Variants in IMMP2L observed in about 807,000 individuals in gnomAD.
The protein encoded by IMMP2L is inner mitochondrial membrane peptidase subunit 2.
A neutral mutation model predicts 19.3 loss-of-function variants in IMMP2L; 18 were observed. The observed-to-expected ratio is 0.93, with a 90% CI of 0.64 to 1.38. IMMP2L has a LOEUF of 1.38. Among genes scored for constraint, IMMP2L ranks in the 40% most tolerant of loss-of-function variants. The probability of loss-of-function intolerance (pLI) is 0.00; values close to 1 mark genes in which losing one functional copy is unlikely to be tolerated. For synonymous variants in IMMP2L, 76 were observed against 73.0 expected (o/e 1.04, Z -0.21); for missense variants, 233 against 218.2 (o/e 1.07, Z -0.43).
chr7:110,716,684 G>C (rs1429824529), intron 5 of IMMP2L, among the ~76,000 whole-genome samples: 2 of 152,140 alleles, frequency 1.3e-5, no homozygotes, highest in Non-Finnish European at 2.9e-5. Context: ...AGCCTGATGA[G>C]GTTCTCTTTG....
intron 5 of IMMP2L, among the ~76,000 whole-genome samples, chr7:110,741,838 C>A (rs2130870448): frequency 6.6e-6 from 1 of 152,106 alleles, no homozygotes; most frequent in Non-Finnish European, 1.5e-5. Flanking sequence ...ATTGTCTTTC[C>A]AATCTCAGGG....
chr7:111,202,373 T>G (rs1319161358), intron 3 of IMMP2L, among the ~76,000 whole-genome samples: 1 of 152,184 alleles, frequency 6.6e-6, no homozygotes, highest in African/African-American at 2.4e-5. Context: ...CAAAAATAAC[T>G]GTACTCACGC....
At chr7:111,272,485 A>G (rs1233154383) in intron 3 of IMMP2L, among the ~76,000 whole-genome samples, 2 of 152,180 alleles carry the variant, frequency 1.3e-5, no homozygotes, top group Non-Finnish European at 2.9e-5. Context: ...TACTACAACT[A>G]TTTACCTCAC....
intron 3 of IMMP2L, among the ~76,000 whole-genome samples, chr7:111,023,172 G>C (rs1032993898): frequency 6.6e-6 from 1 of 152,186 alleles, no homozygotes; most frequent in African/African-American, 2.4e-5. Context: ...ACAGTGTCCT[G>C]AAGGCAAGTT....
chr7:110,762,855 C>T (rs1399248703), intron 5 of IMMP2L, among the ~76,000 whole-genome samples: 1 of 152,130 alleles, frequency 6.6e-6, no homozygotes, highest in Non-Finnish European at 1.5e-5. Context: ...GCAAGGGCAA[C>T]CATAAACATA....
intron 3 of IMMP2L, among the ~76,000 whole-genome samples, chr7:111,474,338 C>CT (rs1283512437): frequency 1.3e-5 from 2 of 151,984 alleles, no homozygotes; most frequent in Non-Finnish European, 1.5e-5. Context: ...GTTGAAATTA[C>CT]TTTTTTTAAA....
intron 3 of IMMP2L, among the ~76,000 whole-genome samples, chr7:111,084,804 G>A (rs1269861516): frequency 1.3e-5 from 2 of 152,242 alleles, no homozygotes; most frequent in East Asian, 1.9e-4. Context: ...TGACAAAGTA[G>A]GTAGAAAGTG....
At chr7:111,301,906 G>A (rs1472468015) in intron 3 of IMMP2L, among the ~76,000 whole-genome samples, 1 of 111,722 alleles carries the variant, frequency 9.0e-6, no homozygotes, top group South Asian at 3.1e-4. Context: ...ATTACGCCAT[G>A]TCAGTTTCAT....
chr7:110,888,902 G>T (rs1427336053), intron 4 of IMMP2L, among the ~76,000 whole-genome samples: 1 of 152,108 alleles, frequency 6.6e-6, no homozygotes, highest in East Asian at 1.9e-4. Context: ...TACACAGAGT[G>T]CTCAGTAAAC....
chr7:110,876,013 T>C (rs1809023558), intron 5 of IMMP2L, among the ~76,000 whole-genome samples: 1 of 152,188 alleles, frequency 6.6e-6, no homozygotes, highest in Non-Finnish European at 1.5e-5. Flanking sequence ...GTGAACATTC[T>C]ATATCATTTC....
At chr7:110,782,406 T>A (rs1403733747) in intron 5 of IMMP2L, among the ~76,000 whole-genome samples, 1 of 151,946 alleles carries the variant, frequency 6.6e-6, no homozygotes, top group Non-Finnish European at 1.5e-5. Context: ...ATTGTCAATT[T>A]GACAGTTTCA....
chr7:111,064,443 A>G (rs1159521654), intron 3 of IMMP2L, among the ~76,000 whole-genome samples: 1 of 152,270 alleles, frequency 6.6e-6, no homozygotes, highest in East Asian at 1.9e-4. Context: ...AGGGCTGGGG[A>G]AAAGTTCTCC....
chr7:111,324,697 T>C (rs1825122356), intron 3 of IMMP2L, among the ~76,000 whole-genome samples: 1 of 151,732 alleles, frequency 6.6e-6, no homozygotes, highest in Non-Finnish European at 1.5e-5. Context: ...GGGAAAAAAA[T>C]AAATTATAGC....
intron 3 of IMMP2L, among the ~76,000 whole-genome samples, chr7:111,027,126 T>C (rs1409783081): frequency 6.6e-6 from 1 of 152,116 alleles, no homozygotes; most frequent in East Asian, 1.9e-4. Context: ...ATTGATCTAT[T>C]GCTTATAAAG....
intron 3 of IMMP2L, among the ~76,000 whole-genome samples, chr7:111,064,709 G>A (rs1279315364): frequency 6.6e-6 from 1 of 152,178 alleles, no homozygotes; most frequent in East Asian, 1.9e-4. Context: ...TGGAAGTTAA[G>A]GTTGCCACCT....
chr7:111,256,167 G>T (rs988029940), intron 3 of IMMP2L, among the ~76,000 whole-genome samples: 2 of 151,900 alleles, frequency 1.3e-5, no homozygotes, highest in Non-Finnish European at 2.9e-5. Flanking sequence ...TTAAAAAAAT[G>T]TTCTTTTTCC....
chr7:111,441,882 T>C (rs759196901), intron 3 of IMMP2L, among the ~76,000 whole-genome samples: 5 of 151,762 alleles, frequency 3.3e-5, no homozygotes, highest in African/African-American at 1.2e-4. Flanking sequence ...CTCACACCTG[T>C]AATCCCAGCA....
In IMMP2L at chr7:111,329,290, A is replaced by T. The variant is rs529133978; in HGVS notation, c.239+157948T>A. Reference sequence around the variant, plus strand: ...GGAAGAGGAAAAAAAAGAGAAGGAGAAGAATTAAAACTACACACCCTATCT... The same window carrying T: ...GGAAGAGGAAAAAAAAGAGAAGGAGTAGAATTAAAACTACACACCCTATCT... On this transcript the variant is annotated intron_variant, in intron 3 of 5. Coordinates refer to ENST00000405709, the MANE Select transcript of IMMP2L (RefSeq NM_032549.4). Among the ~76,000 whole-genome samples, 165 of 151,968 alleles carry T rather than the reference A, an allele frequency of 1.1e-3. 2 individuals are homozygous for T. The highest frequency in any genetic ancestry group is 6.8e-4 in the Non-Finnish European group (46 of 67,898).
chr7:110,854,449 A>T (rs1190553220), intron 5 of IMMP2L, among the ~76,000 whole-genome samples: 1 of 151,912 alleles, frequency 6.6e-6, no homozygotes, highest in African/African-American at 2.4e-5. Context: ...AAAGTGTTCC[A>T]CATTAAGTAA....
Sources: allele counts gnomAD v4.1 joint callset (sites outside exome capture counted in the v4.1 genomes callset), GRCh38; gene constraint gnomAD v4.1.1; transcripts MANE v1.5; gene names NCBI Gene and HGNC (gene_info 2026-07-23, HGNC 2026-07-21).